Variants in ZSCAN18 observed in about 807,000 individuals in gnomAD.
ZSCAN18 encodes the protein zinc finger and SCAN domain containing 18.
ZSCAN18 carries 16 observed loss-of-function variants against 31.1 expected under a neutral mutation model. The ratio of observed to expected loss-of-function variants is 0.51; its 90% confidence interval spans 0.35 to 0.78. The LOEUF (loss-of-function observed/expected upper bound fraction) is 0.78, where lower values mean the gene tolerates loss of function less well. Among genes scored for constraint, ZSCAN18 ranks in the 30% least tolerant of loss-of-function variants. ZSCAN18 has a pLI of 0.01. For synonymous variants in ZSCAN18, 375 were observed against 320.7 expected (o/e 1.17, Z -1.81); for missense variants, 731 against 697.4 (o/e 1.05, Z -0.54).
At position 58,090,458 on chromosome 19, in the gene ZSCAN18, A is replaced by G; in HGVS notation, c.-119-72T>C. On this transcript the variant is annotated intron_variant, in intron 1 of 6. Transcript: ENST00000601144. The surrounding 1 kb of genome is among the most constrained non-coding windows in gnomAD (Gnocchi z 4.7). ...GCAGCCACCCCAGCTGCCAGAGAAC[A>G]AAGACACCACACCCAGAGTTCACAC... 1 of 1,360,198 alleles carries G rather than the reference A, an allele frequency of 7.4e-7. No homozygotes were observed. Among genetic ancestry groups the G allele is most frequent in the East Asian group, 2.5e-5 (1 of 39,456 alleles). 84.3% of individuals were successfully genotyped at this position (1,360,198 alleles called of 1,614,324 possible). A position where few individuals can be genotyped will look rare whatever the true frequency, so the allele number is the denominator to read the frequency against.
At position 58,085,117 on chromosome 19, in the gene ZSCAN18, C is replaced by T; in HGVS notation, c.1101G>A (p.Leu367=). 2 of 1,607,334 alleles carry T rather than the reference C, an allele frequency of 1.2e-6. No homozygotes were observed. The highest frequency in any genetic ancestry group is 1.1e-5 in the South Asian group (1 of 90,508). ...CCTCGGGGTGCGGCCTCTTGGTTCC[C>T]AGTTTCGCCGTGCCCCTGTCCGGGG... ...QPAPDRGTAK[L]GTKRPHPEDG... Residue 367 remains leucine (L), a synonymous_variant, in exon 7 of 7, where the codon CTG becomes CTA. Coordinates refer to ENST00000601144, the MANE Select transcript of ZSCAN18 (RefSeq NM_001145543.2).
intron 5 of ZSCAN18, chr19:58,086,570 AAG>A: frequency 2.2e-6 from 1 of 461,384 alleles, no homozygotes; most frequent in South Asian, 3.7e-5. Context: ...TTTCTGGGGC[AAG>A]AACGTCTACA....
intron 1 of ZSCAN18, among the ~76,000 whole-genome samples, chr19:58,113,051 C>T (rs1306756628): frequency 1.3e-5 from 2 of 151,064 alleles, no homozygotes; most frequent in African/African-American, 4.9e-5. Flanking sequence ...CGCAGTGGCT[C>T]ACGTCTGTAA....
At chr19:58,112,598 C>T (rs2074692859) in intron 1 of ZSCAN18, among the ~76,000 whole-genome samples, 1 of 151,332 alleles carries the variant, frequency 6.6e-6, no homozygotes, top group African/African-American at 2.4e-5. Flanking sequence ...TTGCAGTGAG[C>T]CGAGATCACA....
At chr19:58,098,793 C>T (rs925900125), upstream of ZSCAN18, among the ~76,000 whole-genome samples, 2 of 152,174 alleles carry the variant, frequency 1.3e-5, no homozygotes, top group African/African-American at 2.4e-5. Flanking sequence ...GACAGAGATA[C>T]AGAGACAGGG....
Position 58,085,253 on chromosome 19 carries a change from G to A in ZSCAN18, c.965C>T (p.Thr322Ile). The A allele has an allele frequency of 2.5e-6, 4 of 1,605,812 alleles. No homozygotes were observed. The highest frequency in any genetic ancestry group is 3.4e-6 in the Non-Finnish European group (4 of 1,178,612). ...CCCAGGCTGCTCTTCCTCCTCCTCA[G>A]TGGTGCCCGACGGGGGATCGGCAAG... ...DALADPPSGT[T>I]EEEEEQPGKA... Residue 322 changes from threonine to isoleucine, a missense_variant, in exon 7 of 7, where the codon ACT (threonine) becomes ATT (isoleucine). By Grantham distance (89) the Thr-to-Ile change is moderately conservative. Transcript: ENST00000601144.
intron 1 of ZSCAN18, among the ~76,000 whole-genome samples, chr19:58,118,076 A>G (rs557492060): frequency 2.0e-5 from 3 of 152,164 alleles, no homozygotes; most frequent in African/African-American, 7.2e-5. Flanking sequence ...CCGCACGCCA[A>G]GGGGAGAAGA....
intron 1 of ZSCAN18, among the ~76,000 whole-genome samples, chr19:58,115,279 G>A (rs918924844): frequency 2.6e-5 from 4 of 152,162 alleles, no homozygotes; most frequent in African/African-American, 7.2e-5. Context: ...TGAAAATAGG[G>A]CAAATATAAT....
chr19:58,088,643 C>A, intron 3 of ZSCAN18, 45 bp downstream of exon 3: 1 of 1,588,200 alleles, frequency 6.3e-7, no homozygotes. Flanking sequence ...GCCCAACACC[C>A]CACCTAAGGC....
chr19:58,097,230 G>C (rs1374215757), intron 1 of ZSCAN18, among the ~76,000 whole-genome samples: 1 of 152,118 alleles, frequency 6.6e-6, no homozygotes, highest in Non-Finnish European at 1.5e-5. Flanking sequence ...GAAGCGGGGA[G>C]GGAAGGTAGC....
intron 6 of ZSCAN18, 164 bp from the exon 7 acceptor site, chr19:58,085,543 T>A: frequency 1.6e-6 from 1 of 626,508 alleles, no homozygotes; most frequent in Non-Finnish European, 2.7e-6. Context: ...CAGGCAGCCC[T>A]GCAGCGCATG....
intron 1 of ZSCAN18, chr19:58,108,879 A>T (rs1342359330): frequency 9.9e-7 from 1 of 1,006,736 alleles, no homozygotes; most frequent in Non-Finnish European, 1.2e-6. Context: ...CAAGGTGGCT[A>T]GGTTGTCCAC....
At chr19:58,091,421 G>A (rs2074407910) in intron 1 of ZSCAN18, among the ~76,000 whole-genome samples, 1 of 151,476 alleles carries the variant, frequency 6.6e-6, no homozygotes, top group South Asian at 2.1e-4. Context: ...CCCTCTGGAG[G>A]CCACTGAACA....
At chr19:58,108,353 C>T in intron 1 of ZSCAN18, 3 of 985,454 alleles carry the variant, frequency 3.0e-6, no homozygotes, top group Non-Finnish European at 3.6e-6. Flanking sequence ...ATAGTTTTTC[C>T]ACAGTATGAC....
chr19:58,090,449 C>A lies in ZSCAN18; in HGVS notation c.-119-63G>T. 3 of 1,418,296 alleles carry A rather than the reference C, an allele frequency of 2.1e-6. No homozygotes were observed. Among genetic ancestry groups the A allele is most frequent in the Non-Finnish European group, 2.8e-6 (3 of 1,070,090 alleles). The allele number at this position is 1,418,296 out of a possible 1,614,324, so 87.9% of individuals were successfully genotyped here. A position where few individuals can be genotyped will look rare whatever the true frequency, so the allele number is the denominator to read the frequency against. On this transcript the variant is annotated intron_variant, in intron 1 of 6. Coordinates refer to ENST00000601144, the MANE Select transcript of ZSCAN18 (RefSeq NM_001145543.2). This position sits in a 1 kb window ranked among gnomAD's most constrained non-coding sequence, Gnocchi z 4.7. ...GGCCAGGGCGCAGCCACCCCAGCTG[C>A]CAGAGAACAAAGACACCACACCCAG...
chr19:58,084,958 C>T lies in ZSCAN18; in HGVS notation c.1260G>A (p.Glu420=). ...TCAGGTGCGAGAGCCACGCGAAGGC[C>T]TCCCCGCACTCGCCGCAGGCATAGG... ...GKPYACGECG[E]AFAWLSHLME... Residue 420 remains glutamate (E), a synonymous_variant, in exon 7 of 7, where the codon GAG becomes GAA. Coordinates refer to ENST00000601144, the MANE Select transcript of ZSCAN18 (RefSeq NM_001145543.2). The surrounding 1 kb of genome is among the most constrained non-coding windows in gnomAD (Gnocchi z 4.5). The T allele has an allele frequency of 1.3e-6, 2 of 1,599,074 alleles. No individual in the cohort carries two copies. The highest frequency in any genetic ancestry group is 2.2e-5 in the South Asian group (2 of 89,220).
At chr19:58,086,437 G>C (rs2145968587) in intron 5 of ZSCAN18, 171 bp from the exon 6 acceptor site, 1 of 543,590 alleles carries the variant, frequency 1.8e-6, no homozygotes, top group Non-Finnish European at 3.2e-6. Flanking sequence ...GAGCAAAGAA[G>C]AAGGCGAGGC....
intron 1 of ZSCAN18, among the ~76,000 whole-genome samples, chr19:58,112,678 C>T (rs939717689): frequency 6.7e-6 from 1 of 148,798 alleles, no homozygotes; most frequent in Non-Finnish European, 1.5e-5. Context: ...TTAGGCCAAG[C>T]TCAGCTGACG....
chr19:58,111,879 A>G (rs1391751788), intron 1 of ZSCAN18, among the ~76,000 whole-genome samples: 1 of 152,228 alleles, frequency 6.6e-6, no homozygotes, highest in Non-Finnish European at 1.5e-5. Context: ...AGGACTGTTC[A>G]TGGAATGCAA....
Sources: allele counts gnomAD v4.1 joint callset (sites outside exome capture counted in the v4.1 genomes callset), GRCh38; gene constraint gnomAD v4.1.1; non-coding constraint Gnocchi (gnomAD v3.1); transcripts MANE v1.5; gene names NCBI Gene and HGNC (gene_info 2026-07-23, HGNC 2026-07-21).